Variants in SAMD3 observed in about 807,000 individuals in gnomAD.
SAMD3 encodes the protein sterile alpha motif domain containing 3, also known as sterile alpha motif domain-containing protein 3.
SAMD3 carries 63 observed loss-of-function variants against 58.5 expected under a neutral mutation model. The ratio of observed to expected loss-of-function variants is 1.08; its 90% CI spans 0.88 to 1.33. The LOEUF (loss-of-function observed/expected upper bound fraction) is 1.33. Among genes scored for constraint, SAMD3 ranks in the 40% most tolerant of loss-of-function variants. SAMD3 has a pLI of 0.00. For missense variants in SAMD3, 604 were observed against 608.4 expected, an observed-to-expected ratio of 0.99 and a Z score of 0.08; for synonymous variants, 220 against 210.3, an observed-to-expected ratio of 1.05 and a Z score of -0.40.
intron 2 of SAMD3, among the ~76,000 whole-genome samples, chr6:130,248,808 GTT>G (rs1773643720): frequency 6.6e-6 from 1 of 152,140 alleles, no homozygotes; most frequent in Non-Finnish European, 1.5e-5. Flanking sequence ...TTTATAAGCA[GTT>G]TGGCTAAGAT....
chr6:130,250,131 C>T (rs1773692291), intron 2 of SAMD3, among the ~76,000 whole-genome samples: 1 of 152,044 alleles, frequency 6.6e-6, no homozygotes, highest in East Asian at 1.9e-4. Flanking sequence ...CTGGAATCAC[C>T]AACATTACAG....
chr6:130,165,506 C>T (rs1169683877), intron 8 of SAMD3, among the ~76,000 whole-genome samples: 1 of 152,060 alleles, frequency 6.6e-6, no homozygotes, highest in Non-Finnish European at 1.5e-5. Flanking sequence ...ATTATTTTCA[C>T]CAAATATCAA....
chr6:130,364,937 C>T (rs1373505931), intron 1 of SAMD3, among the ~76,000 whole-genome samples: 3 of 128,438 alleles, frequency 2.3e-5, no homozygotes, highest in African/African-American at 8.7e-5. Flanking sequence ...TTCTTGAAAA[C>T]GAGATAAACA....
At chr6:130,312,882 C>T (rs1423242745) in intron 2 of SAMD3, 1 of 152,106 alleles carries the variant, frequency 6.6e-6, no homozygotes, top group Non-Finnish European at 1.5e-5. Flanking sequence ...ATTTATCTGG[C>T]TGGTTATTCT....
intron 2 of SAMD3, among the ~76,000 whole-genome samples, chr6:130,251,521 T>C (rs1773737593): frequency 6.6e-6 from 1 of 152,158 alleles, no homozygotes; most frequent in African/African-American, 2.4e-5. Flanking sequence ...CCCTTATATT[T>C]AGGTCTTTTA....
At chr6:130,268,037 C>A (rs183167933) in intron 2 of SAMD3, among the ~76,000 whole-genome samples, 264 of 152,250 alleles carry the variant, frequency 1.7e-3, no homozygotes, top group African/African-American at 6.1e-3. Flanking sequence ...GACATTGTAA[C>A]CATCATAATT....
intron 1 of SAMD3, among the ~76,000 whole-genome samples, chr6:130,353,688 G>A (rs532824421): frequency 6.6e-6 from 1 of 152,116 alleles, no homozygotes; most frequent in South Asian, 2.1e-4. Context: ...ACTATTTTAG[G>A]GAGCAAAGGG....
At chr6:130,190,500 T>C (rs1444848110) in intron 5 of SAMD3, among the ~76,000 whole-genome samples, 1 of 151,962 alleles carries the variant, frequency 6.6e-6, no homozygotes, top group Non-Finnish European at 1.5e-5. Context: ...GAAATAGAAA[T>C]TGTTTAAAAG....
At chr6:130,175,025 A>T (rs972136980) in intron 8 of SAMD3, among the ~76,000 whole-genome samples, 1 of 152,266 alleles carries the variant, frequency 6.6e-6, no homozygotes, top group East Asian at 1.9e-4. Context: ...AAGAAAATAG[A>T]ATATTTACAC....
At chr6:130,349,640 T>G (rs1274915650) in intron 1 of SAMD3, among the ~76,000 whole-genome samples, 1 of 152,058 alleles carries the variant, frequency 6.6e-6, no homozygotes, top group Non-Finnish European at 1.5e-5. Context: ...CTACCAGAGG[T>G]ACAAGGAGGA....
At chr6:130,213,193 G>A (rs1034282103) in intron 4 of SAMD3, among the ~76,000 whole-genome samples, 2 of 152,042 alleles carry the variant, frequency 1.3e-5, no homozygotes, top group Non-Finnish European at 1.5e-5. Context: ...AACTGCTTGG[G>A]AGGCGGAAGC....
chr6:130,217,220 G>C (rs1796050778), intron 1 of SAMD3, among the ~76,000 whole-genome samples: 1 of 152,130 alleles, frequency 6.6e-6, no homozygotes, highest in South Asian at 2.1e-4. Flanking sequence ...TCTTTGAGTA[G>C]TAACTTTACA....
intron 2 of SAMD3, among the ~76,000 whole-genome samples, chr6:130,263,570 A>G (rs961139080): frequency 2.0e-5 from 3 of 152,146 alleles, no homozygotes; most frequent in Non-Finnish European, 4.4e-5. Flanking sequence ...ACCCTACCAA[A>G]CTAAAGCTAA....
At chr6:130,225,567 T>C (rs1442000773), upstream of SAMD3, among the ~76,000 whole-genome samples, 3 of 152,234 alleles carry the variant, frequency 2.0e-5, no homozygotes, top group Non-Finnish European at 4.4e-5. Flanking sequence ...TAATAGCACA[T>C]AGCTTTCCTC....
At chr6:130,214,301 G>A in intron 4 of SAMD3, 36 bp downstream of exon 4, 1 of 1,487,628 alleles carries the variant, frequency 6.7e-7, no homozygotes, top group East Asian at 2.4e-5. Context: ...GGAAAGCTTG[G>A]GAAAAAAAAA....
intron 4 of SAMD3, among the ~76,000 whole-genome samples, chr6:130,210,296 C>G (rs9492489): frequency 0.38 from 57,607 of 152,102 alleles, 11,625 homozygotes; most frequent in African/African-American, 0.48. Flanking sequence ...CCTACACATC[C>G]TTTTCAAAAT....
chr6:130,300,057 T>G (rs1184059657), intron 2 of SAMD3, among the ~76,000 whole-genome samples: 1 of 152,172 alleles, frequency 6.6e-6, no homozygotes, highest in African/African-American at 2.4e-5. Context: ...CTAATCTTAC[T>G]GAAAGTATTG....
intron 2 of SAMD3, chr6:130,215,797 C>T (rs1203179298): frequency 2.0e-6 from 3 of 1,534,180 alleles, no homozygotes; most frequent in South Asian, 2.4e-5. Context: ...ACTGGTTAAC[C>T]CCTTGCTTCT....
intron 5 of SAMD3, 30 bp downstream of exon 5, chr6:130,209,465 T>A (rs1325890363): frequency 3.3e-6 from 4 of 1,214,642 alleles, no homozygotes; most frequent in Non-Finnish European, 4.9e-6. Flanking sequence ...GTTATTTGGC[T>A]TTAAACTGTC....
Sources: allele counts gnomAD v4.1 joint callset (sites outside exome capture counted in the v4.1 genomes callset), GRCh38; gene constraint gnomAD v4.1.1; transcripts MANE v1.5; gene names NCBI Gene and HGNC (gene_info 2026-07-23, HGNC 2026-07-21).